ESRRG: variants seen among roughly 807,000 people sequenced by gnomAD.
ESRRG encodes the protein estrogen-related receptor gamma.
In ESRRG, 13 loss-of-function variants were observed where a neutral mutation model predicts 44.0. That is an observed-to-expected ratio of 0.30 (90% CI 0.19 to 0.47). The LOEUF is 0.47. Among genes scored for constraint, ESRRG ranks in the 20% least tolerant of loss-of-function variants. The pLI is 1.00. For missense variants in ESRRG, 395 were observed against 580.6 expected, an observed-to-expected ratio of 0.68 and a Z score of 3.29; for synonymous variants, 215 against 214.6, an observed-to-expected ratio of 1.00 and a Z score of -0.02.
intron 1 of ESRRG, among the ~76,000 whole-genome samples, chr1:217,135,034 G>A (rs1337457902): frequency 6.6e-6 from 1 of 152,146 alleles, no homozygotes; most frequent in African/African-American, 2.4e-5. Flanking sequence ...TTCCGCCCAG[G>A]GCGGTTCTGA....
intron 1 of ESRRG, among the ~76,000 whole-genome samples, chr1:216,989,102 G>A (rs1275324725): frequency 6.6e-6 from 1 of 152,092 alleles, no homozygotes; most frequent in Non-Finnish European, 1.5e-5. Flanking sequence ...GAATATTCTA[G>A]AGTGGGTAAT....
chr1:216,974,360 T>C (rs951885334), intron 1 of ESRRG, among the ~76,000 whole-genome samples: 5 of 152,174 alleles, frequency 3.3e-5, no homozygotes, highest in Non-Finnish European at 7.3e-5. Flanking sequence ...AACTATTATA[T>C]ATCTTTTTTA....
At chr1:216,781,736 TAATCAGGTAAG>T (rs1408219821) in intron 2 of ESRRG, among the ~76,000 whole-genome samples, 1 of 152,000 alleles carries the variant, frequency 6.6e-6, no homozygotes, top group African/African-American at 2.4e-5. Context: ...GCCAAGCATG[TAATCAGGTAAG>T]ACAAAAACCA....
intron 2 of ESRRG, among the ~76,000 whole-genome samples, chr1:216,845,041 T>A (rs1308765247): frequency 6.6e-6 from 1 of 152,148 alleles, no homozygotes; most frequent in Non-Finnish European, 1.5e-5. Context: ...AGTAGCACTT[T>A]CCCTATCCTC....
chr1:216,842,242 T>G (rs1016608029), intron 2 of ESRRG, among the ~76,000 whole-genome samples: 2 of 152,194 alleles, frequency 1.3e-5, no homozygotes, highest in African/African-American at 4.8e-5. Flanking sequence ...TTTCATTTTT[T>G]GTCTCAGAGT....
At chr1:217,002,209 C>T (rs1327983784) in intron 1 of ESRRG, among the ~76,000 whole-genome samples, 10 of 149,630 alleles carry the variant, frequency 6.7e-5, no homozygotes, top group Admixed American at 2.7e-4. Context: ...GGCTGAGCCA[C>T]GAGAATCTCT....
intron 1 of ESRRG, among the ~76,000 whole-genome samples, chr1:217,087,305 GC>G (rs1485742289): frequency 6.6e-6 from 1 of 152,166 alleles, no homozygotes; most frequent in Non-Finnish European, 1.5e-5. Context: ...TTGCTGCACT[GC>G]CATTCTCATG....
chr1:217,074,527 C>T (rs1311162637), intron 1 of ESRRG, among the ~76,000 whole-genome samples: 1 of 148,776 alleles, frequency 6.7e-6, no homozygotes, highest in African/African-American at 2.5e-5. Context: ...ATAAATATTA[C>T]TTTTGGTTTT....
intron 2 of ESRRG, among the ~76,000 whole-genome samples, chr1:216,844,396 C>A (rs1460172360): frequency 6.6e-6 from 1 of 152,164 alleles, no homozygotes; most frequent in East Asian, 1.9e-4. Flanking sequence ...CTGCGTCAAA[C>A]CTCCCCGAAG....
intron 3 of ESRRG, among the ~76,000 whole-genome samples, chr1:216,636,246 C>A (rs948221899): frequency 6.6e-6 from 1 of 152,118 alleles, no homozygotes; most frequent in Non-Finnish European, 1.5e-5. Context: ...CATTTTTCAA[C>A]TGTATTTAAC....
At chr1:216,809,322 C>T (rs1327581771) in intron 2 of ESRRG, among the ~76,000 whole-genome samples, 1 of 51,446 alleles carries the variant, frequency 1.9e-5, no homozygotes, top group African/African-American at 7.7e-5. Context: ...TGCTTTTTTA[C>T]AGTAAAAAAA....
intron 5 of ESRRG, among the ~76,000 whole-genome samples, chr1:216,519,941 A>T (rs2045592604): frequency 6.6e-6 from 1 of 152,090 alleles, no homozygotes; most frequent in Non-Finnish European, 1.5e-5. Flanking sequence ...AATTACAAGC[A>T]CAATGGATGA....
intron 6 of ESRRG, among the ~76,000 whole-genome samples, chr1:216,517,372 C>T (rs2044651947): frequency 6.6e-6 from 1 of 152,136 alleles, no homozygotes; most frequent in Non-Finnish European, 1.5e-5. Context: ...AGAAATGCTG[C>T]TACTAATTAA....
upstream of ESRRG, among the ~76,000 whole-genome samples, chr1:217,092,664 C>T (rs774935345): frequency 6.6e-6 from 1 of 152,156 alleles, no homozygotes; most frequent in Admixed American, 6.5e-5. Flanking sequence ...ATCCCAGTGT[C>T]GAAGCTTTCA....
At chr1:216,934,453 C>A (rs577263889) in intron 2 of ESRRG, among the ~76,000 whole-genome samples, 22 of 151,822 alleles carry the variant, frequency 1.4e-4, no homozygotes, top group Non-Finnish European at 2.5e-4. Context: ...AAGAAATACC[C>A]GAGACTGGGT....
intron 1 of ESRRG, among the ~76,000 whole-genome samples, chr1:216,957,340 C>A (rs920008394): frequency 1.3e-5 from 2 of 152,110 alleles, no homozygotes; most frequent in Non-Finnish European, 2.9e-5. Context: ...CAAGATGTCT[C>A]CTGTGAACAC....
At chr1:216,797,331 A>T (rs1299318448) in intron 2 of ESRRG, among the ~76,000 whole-genome samples, 1 of 152,116 alleles carries the variant, frequency 6.6e-6, no homozygotes, top group Non-Finnish European at 1.5e-5. Context: ...TCAGGATCCC[A>T]CCGAGGATGA....
intron 1 of ESRRG, among the ~76,000 whole-genome samples, chr1:217,016,908 C>G (rs2079468969): frequency 6.6e-6 from 1 of 152,214 alleles, no homozygotes; most frequent in African/African-American, 2.4e-5. Context: ...ACAGTTTATC[C>G]TCATGCAATA....
chr1:216,734,702 A>G (rs1465973536), intron 2 of ESRRG, among the ~76,000 whole-genome samples: 1 of 152,194 alleles, frequency 6.6e-6, no homozygotes, highest in Non-Finnish European at 1.5e-5. Flanking sequence ...GCAATAGACT[A>G]ACGTACTCAT....
Sources: gnomAD v4.1 joint callset for allele counts (sites outside exome capture counted in the v4.1 genomes callset) on GRCh38, gnomAD v4.1.1 for gene constraint, MANE v1.5 for transcripts, NCBI Gene and HGNC (gene_info 2026-07-23, HGNC 2026-07-21) for gene names.